PDE4D: variants seen among roughly 807,000 people sequenced by gnomAD.
PDE4D encodes the protein 3',5'-cyclic-AMP phosphodiesterase 4D.
PDE4D carries 24 observed loss-of-function variants against 87.4 expected under a neutral mutation model. The ratio of observed to expected loss-of-function variants is 0.27; its 90% CI spans 0.20 to 0.39. The LOEUF (loss-of-function observed/expected upper bound fraction) is 0.39, where lower values mean the gene tolerates loss of function less well. PDE4D is among the 10% of genes least tolerant of loss of function. The pLI is 1.00. For missense variants in PDE4D, 714 were observed against 1,041.0 expected (o/e 0.69, Z 4.32); for synonymous variants, 384 against 383.2 (o/e 1.00, Z -0.02).
chr5:60,293,445 C>T (rs1317210451), intron 1 of PDE4D, among the ~76,000 whole-genome samples: 1 of 152,014 alleles, frequency 6.6e-6, no homozygotes, highest in Non-Finnish European at 1.5e-5. Flanking sequence ...ACCTGAGAGG[C>T]GGAGGTTGCA....
intron 1 of PDE4D, among the ~76,000 whole-genome samples, chr5:59,609,748 G>A (rs1828733066): frequency 6.6e-6 from 1 of 152,122 alleles, no homozygotes; most frequent in African/African-American, 2.4e-5. Flanking sequence ...CTCTGACTAA[G>A]AATTCACTCT....
intron 1 of PDE4D, among the ~76,000 whole-genome samples, chr5:59,440,725 G>C (rs1013852795): frequency 6.6e-6 from 1 of 152,012 alleles, no homozygotes; most frequent in Non-Finnish European, 1.5e-5. Flanking sequence ...GTGGTGAGCC[G>C]AGGTTGCACC....
chr5:59,294,386 A>G (rs1768644050), intron 1 of PDE4D, among the ~76,000 whole-genome samples: 2 of 152,144 alleles, frequency 1.3e-5, no homozygotes, highest in Admixed American at 1.3e-4. Flanking sequence ...GTCTTTCTGC[A>G]TCTCAAATGG....
At chr5:60,036,808 C>G (rs1273943405) in intron 2 of PDE4D, among the ~76,000 whole-genome samples, 3 of 152,176 alleles carry the variant, frequency 2.0e-5, no homozygotes, top group Admixed American at 1.3e-4. Context: ...CAAATAAACT[C>G]TGACTTGGAC....
At chr5:60,490,130 A>G (rs1749452966), upstream of PDE4D, 1 of 152,160 alleles carries the variant, frequency 6.6e-6, no homozygotes, top group African/African-American at 2.4e-5. Context: ...ACAAACACTA[A>G]AAGTTTTGTT....
intron 1 of PDE4D, among the ~76,000 whole-genome samples, chr5:59,343,819 G>A (rs1316868716): frequency 3.3e-5 from 5 of 152,060 alleles, no homozygotes; most frequent in Admixed American, 6.6e-5. Flanking sequence ...AGAAGGTTGA[G>A]GACCCATGAA....
intron 1 of PDE4D, among the ~76,000 whole-genome samples, chr5:60,415,709 G>T (rs1378835266): frequency 6.6e-6 from 1 of 152,224 alleles, no homozygotes; most frequent in Non-Finnish European, 1.5e-5. Flanking sequence ...CCCCCACCAT[G>T]GGCTCCTGTG....
At chr5:59,950,780 GT>G (rs1158350756) in intron 3 of PDE4D, among the ~76,000 whole-genome samples, 1 of 151,980 alleles carries the variant, frequency 6.6e-6, no homozygotes, top group Non-Finnish European at 1.5e-5. Flanking sequence ...TTTTATTACT[GT>G]TTTTAATTTC....
At chr5:59,358,180 G>C (rs2153591261) in intron 1 of PDE4D, among the ~76,000 whole-genome samples, 1 of 152,278 alleles carries the variant, frequency 6.6e-6, no homozygotes. Flanking sequence ...GAATGCTACA[G>C]GTTTCATATC....
chr5:60,345,447 A>G (rs1487757894), intron 1 of PDE4D, among the ~76,000 whole-genome samples: 1 of 90,750 alleles, frequency 1.1e-5, no homozygotes, highest in Non-Finnish European at 2.1e-5. Flanking sequence ...AAAGTATAAT[A>G]ATAAATAAAT....
chr5:59,406,272 A>C (rs147454354), intron 1 of PDE4D, among the ~76,000 whole-genome samples: 2 of 151,930 alleles, frequency 1.3e-5, no homozygotes, highest in Admixed American at 6.6e-5. Context: ...TTGTCTAGGA[A>C]TTTATCATTT....
At chr5:60,003,551 A>T (rs543292097) in intron 2 of PDE4D, among the ~76,000 whole-genome samples, 1 of 152,054 alleles carries the variant, frequency 6.6e-6, no homozygotes, top group African/African-American at 2.4e-5. Flanking sequence ...CTCTACTAAA[A>T]ATACAAAAAT....
At chr5:59,130,195 CTGATTA>C (rs1776078936) in intron 5 of PDE4D, among the ~76,000 whole-genome samples, 1 of 152,076 alleles carries the variant, frequency 6.6e-6, no homozygotes, top group South Asian at 2.1e-4. Flanking sequence ...CACTGAGTAT[CTGATTA>C]TAATTGGATG....
chr5:59,515,248 G>A (rs2153670434), intron 1 of PDE4D, among the ~76,000 whole-genome samples: 1 of 152,312 alleles, frequency 6.6e-6, no homozygotes, highest in South Asian at 2.1e-4. Context: ...AAGAATGCTT[G>A]TTCTCTCCAT....
At chr5:60,161,594 C>G (rs964614702) in intron 2 of PDE4D, among the ~76,000 whole-genome samples, 7 of 152,126 alleles carry the variant, frequency 4.6e-5, no homozygotes, top group African/African-American at 1.7e-4. Flanking sequence ...TTGAAGAAAC[C>G]CAACAGTAAT....
rs533670275 is a variant in PDE4D, at chr5:59,762,667, C to T, written c.455+130501G>A. Among the ~76,000 whole-genome samples, 123 of 134,464 alleles carry T rather than the reference C, an allele frequency of 9.1e-4. 2 individuals carry two copies. Among genetic ancestry groups the T allele is most frequent in the Non-Finnish European group, 1.7e-3 (102 of 60,400 alleles). 88.2% of individuals were successfully genotyped at this position (134,464 alleles called of 152,430 possible). A position where few individuals can be genotyped will look rare whatever the true frequency, so the allele number is the denominator to read the frequency against. The stretch of plus-strand genomic sequence containing the variant: ...ATATGTGTATATGTGTATATAGGTA[C>T]GTATGTGTATATGTGTATATAGGTT... On this transcript the variant is annotated intron_variant, in intron 1 of 14. Transcript: ENST00000340635.
At chr5:59,126,089 C>T (rs1431691043) in intron 5 of PDE4D, among the ~76,000 whole-genome samples, 1 of 43,676 alleles carries the variant, frequency 2.3e-5, no homozygotes. Context: ...CTTTTAAGTA[C>T]AATTGTAAAA....
intron 2 of PDE4D, among the ~76,000 whole-genome samples, chr5:60,067,177 C>G (rs1562050385): frequency 6.6e-6 from 1 of 152,116 alleles, no homozygotes; most frequent in East Asian, 1.9e-4. Flanking sequence ...ATATCCTGAG[C>G]AGTTCTATAT....
At chr5:60,115,303 AC>A (rs1366046869) in intron 2 of PDE4D, among the ~76,000 whole-genome samples, 9 of 152,074 alleles carry the variant, frequency 5.9e-5, no homozygotes, top group Non-Finnish European at 1.3e-4. Context: ...GTTTGGCATC[AC>A]CAGGGTAAGA....
Sources: gnomAD v4.1 joint callset for allele counts (sites outside exome capture counted in the v4.1 genomes callset) on GRCh38, gnomAD v4.1.1 for gene constraint, MANE v1.5 for transcripts, NCBI Gene and HGNC (gene_info 2026-07-23, HGNC 2026-07-21) for gene names.